Variants in ZNF776 observed in about 807,000 individuals in gnomAD.
The protein encoded by ZNF776 is zinc finger protein 776.
Under a neutral mutation model 7.0 loss-of-function variants are expected in ZNF776, and 4 were observed. The observed-to-expected ratio is 0.57, with a 90% confidence interval of 0.28 to 1.31. The LOEUF is 1.31. ZNF776 is among the 50% of genes most tolerant of loss of function. ZNF776 has a pLI of 0.10. For missense variants in ZNF776, 555 were observed against 625.9 expected (o/e 0.89, Z 1.21); for synonymous variants, 212 against 213.7 (o/e 0.99, Z 0.07).
chr19:57,753,424 C>T lies in ZNF776; in HGVS notation c.294C>T (p.Leu98=). 6.2e-7 allele frequency: 1 copy of T among 1,614,154 alleles called. No homozygotes were observed. Among genetic ancestry groups the T allele is most frequent in the South Asian group, 1.1e-5 (1 of 91,082 alleles). The change falls in exon 3 of 3, where the codon CTC becomes CTT. Residue 98 remains leucine, a synonymous_variant. Transcript: ENST00000317178. The part of the protein sequence containing the change: ...KVHLWGMCGP[L]LGDILHQGTQ... ...ACCTCTGGGGAATGTGTGGCCCTCT[C>T]CTGGGAGATATCTTACACCAGGGAA...
In ZNF776 at chr19:57,750,774, C is replaced by T; in HGVS notation, c.34-11C>T. On this transcript the variant is annotated splice_polypyrimidine_tract_variant and intron_variant, in intron 1 of 2. Coordinates refer to ENST00000317178, the MANE Select transcript of ZNF776 (RefSeq NM_173632.4). ...GAGTGTTTGTGGTTTCATCTGTCAT[C>T]ATCACGGCAGGGCACTGTGACCTTT... 1 of 1,608,408 alleles carries T rather than the reference C, an allele frequency of 6.2e-7. No individual in the cohort carries two copies. The highest frequency in any genetic ancestry group is 1.3e-5 in the African/African-American group (1 of 74,728).
chr19:57,749,531 T>C (rs1197224194), intron 1 of ZNF776, among the ~76,000 whole-genome samples: 1 of 152,234 alleles, frequency 6.6e-6, no homozygotes, highest in Non-Finnish European at 1.5e-5. Flanking sequence ...GTCAGCCATA[T>C]TGTGGTATAA....
intron 2 of ZNF776, 42 bp downstream of exon 2, chr19:57,750,953 T>G: frequency 7.7e-6 from 12 of 1,563,020 alleles, no homozygotes; most frequent in Non-Finnish European, 1.0e-5. Context: ...AGCTATTGTC[T>G]GTCTGTCCCC....
Position 57,756,830 on chromosome 19 carries a change from C to T in ZNF776, c.*2143C>T, listed in dbSNP as rs1007060181. On this transcript the variant is annotated 3_prime_UTR_variant, in exon 3 of 3. Transcript: ENST00000317178. ...TAGGATAGTGTCCTACGTTATAAGC[C>T]TGGAGAAAGAAATCATAATTCTTTA... is the stretch of plus-strand genomic sequence containing the variant. The T allele has an allele frequency of 4.4e-6, 2 of 453,618 alleles. No individual in the cohort carries two copies. Among genetic ancestry groups the T allele is most frequent in the African/African-American group, 4.0e-5 (2 of 49,970 alleles). 28.1% of individuals were successfully genotyped at this position (453,618 alleles called of 1,614,324 possible).
chr19:57,753,667 A>C lies in ZNF776; in HGVS notation c.537A>C (p.Leu179Phe). 1 of 1,614,088 alleles carries C rather than the reference A, an allele frequency of 6.2e-7. No individual in the cohort carries two copies. Among genetic ancestry groups the C allele is most frequent in the Non-Finnish European group, 8.5e-7 (1 of 1,180,006 alleles). The change falls in exon 3 of 3, where the codon TTA becomes TTC. Residue 179 changes from leucine (L) to phenylalanine (F), a missense_variant. Physicochemically the swap from Leu to Phe is conservative, Grantham distance 22. Transcript: ENST00000317178. The stretch of plus-strand genomic sequence containing the variant: ...AAGACTTTTTGTCCAGCTTGAGATT[A>C]CTCCAACAAGAGGACATTCACACTT... The part of the protein sequence containing the change: ...VGKDFLSSLR[L>F]LQQEDIHTSG...
chr19:57,750,314 C>T (rs921217345), intron 1 of ZNF776, among the ~76,000 whole-genome samples: 7 of 151,624 alleles, frequency 4.6e-5, no homozygotes, highest in African/African-American at 1.7e-4. Flanking sequence ...GCACCTGTAT[C>T]CCATCTACTC....
intron 2 of ZNF776, among the ~76,000 whole-genome samples, chr19:57,751,238 T>C (rs1373187408): frequency 6.6e-6 from 1 of 152,254 alleles, no homozygotes; most frequent in African/African-American, 2.4e-5. Context: ...ACTTCCTTGC[T>C]CTAGGTGACA....
rs1423434306 is a variant in ZNF776, at chr19:57,757,536, C to G, written c.*2849C>G. 1.3e-5 allele frequency: 2 copies of G among 152,346 alleles called. No homozygotes were observed. The highest frequency in any genetic ancestry group is 2.1e-4 in the South Asian group (1 of 4,830). 9.4% of individuals were successfully genotyped at this position (152,346 alleles called of 1,614,324 possible). On this transcript the variant is annotated 3_prime_UTR_variant, in exon 3 of 3. Transcript: ENST00000317178. ...TGGTATCACACAGGCTAATTGCCCC[C>G]CTTAGGGCGTGATGAGAGTTAGGAG...
At chr19:57,750,699 A>G in intron 1 of ZNF776, 86 bp from the exon 2 acceptor site, 1 of 1,493,116 alleles carries the variant, frequency 6.7e-7, no homozygotes, top group Non-Finnish European at 9.0e-7. Flanking sequence ...CTTGTAGTTT[A>G]GGACCTTGGG....
chr19:57,747,850 T>C (rs932155285), intron 1 of ZNF776, among the ~76,000 whole-genome samples: 3 of 151,786 alleles, frequency 2.0e-5, no homozygotes, highest in African/African-American at 7.3e-5. Context: ...GGTACCTTTT[T>C]TTTTTTTTTT....
intron 1 of ZNF776, among the ~76,000 whole-genome samples, chr19:57,748,476 T>C (rs1174056716): frequency 6.6e-6 from 1 of 152,186 alleles, no homozygotes; most frequent in Non-Finnish European, 1.5e-5. Flanking sequence ...GGAAAGGGAT[T>C]GACACTGGAG....
Position 57,756,776 on chromosome 19 carries a change from A to G in ZNF776, c.*2089A>G. The G allele has an allele frequency of 4.8e-6, 2 of 418,246 alleles. No individual in the cohort carries two copies. Among genetic ancestry groups the G allele is most frequent in the South Asian group, 3.5e-5 (2 of 56,516 alleles). The allele number at this position is 418,246 out of a possible 1,614,324, so 25.9% of individuals were successfully genotyped here. ...AATCTGTTCTCAAGTCCTACAGTGCATTCATGTGTCCTGAAGTCCAGAATT... is the reference window on the plus strand; with the variant it reads ...AATCTGTTCTCAAGTCCTACAGTGCGTTCATGTGTCCTGAAGTCCAGAATT... On this transcript the variant is annotated 3_prime_UTR_variant, in exon 3 of 3. Coordinates refer to ENST00000317178, the MANE Select transcript of ZNF776 (RefSeq NM_173632.4).
In ZNF776 at chr19:57,753,387, C is replaced by T; in HGVS notation, c.257C>T (p.Thr86Ile). The T allele has an allele frequency of 6.2e-7, 1 of 1,614,144 alleles. No individual in the cohort carries two copies. The highest frequency in any genetic ancestry group is 8.5e-7 in the Non-Finnish European group (1 of 1,180,036). ...AGGACACATTGGACAGGTGTATGTA[C>T]CAAGAAGGTCCACCTCTGGGGAATG... ...PLRTHWTGVC[T>I]KKVHLWGMCG... Residue 86 changes from threonine to isoleucine, a missense_variant, in exon 3 of 3, where the codon ACC becomes ATC. Thr to Ile is a moderately conservative substitution (Grantham distance 89, BLOSUM62 -1). Coordinates refer to ENST00000317178, the MANE Select transcript of ZNF776 (RefSeq NM_173632.4).
At chr19:57,751,868 GTTTTTTTT>G (rs768825787) in intron 2 of ZNF776, among the ~76,000 whole-genome samples, 4 of 67,506 alleles carry the variant, frequency 5.9e-5, no homozygotes, top group African/African-American at 1.1e-4. Context: ...TTTTGGTTTT[GTTTTTTTT>G]TTTTTTTTTT....
chr19:57,753,240 T>C, intron 2 of ZNF776, 51 bp from the exon 3 acceptor site: 1 of 1,557,964 alleles, frequency 6.4e-7, no homozygotes. Context: ...GGCTTAGTAA[T>C]ACTTCCCTTC....
intron 1 of ZNF776, among the ~76,000 whole-genome samples, chr19:57,750,424 C>T (rs1393788154): frequency 1.5e-5 from 2 of 132,062 alleles, no homozygotes; most frequent in Non-Finnish European, 3.1e-5. Context: ...AGGAGTGAAA[C>T]CCTATCTCAA....
intron 1 of ZNF776, among the ~76,000 whole-genome samples, chr19:57,747,317 G>A (rs900789924): frequency 6.6e-6 from 1 of 152,202 alleles, no homozygotes; most frequent in Non-Finnish European, 1.5e-5. Flanking sequence ...GAGCCGAGAG[G>A]ATCGTAACCT....
intron 2 of ZNF776, 110 bp from the exon 3 acceptor site, chr19:57,753,181 C>A: frequency 1.9e-6 from 2 of 1,049,850 alleles, no homozygotes; most frequent in South Asian, 1.5e-5. Flanking sequence ...AAGGATATGT[C>A]TAGGCCCAAG....
In ZNF776 at chr19:57,753,293, T is replaced by C. The variant is rs776341830; in HGVS notation, c.163T>C (p.Cys55Arg). 6.2e-7 allele frequency: 1 copy of C among 1,603,990 alleles called. No individual in the cohort carries two copies. Residue 55 changes from cysteine to arginine, a missense_variant and splice_region_variant, in exon 3 of 3, where the codon TGT (cysteine) becomes CGT (arginine). Transcript: ENST00000317178. Reference sequence around the variant, plus strand: ...TACCAGCATTTTATTTCTTTTAGGTTGTTGGTATGGAGCAAAAGACGAGAC... The same window carrying C: ...TACCAGCATTTTATTTCTTTTAGGTCGTTGGTATGGAGCAAAAGACGAGAC... The part of the protein sequence containing the change: ...ENLTLISSLG[C>R]WYGAKDETPS...
Sources: gnomAD v4.1 joint callset for allele counts (sites outside exome capture counted in the v4.1 genomes callset) on GRCh38, gnomAD v4.1.1 for gene constraint, MANE v1.5 for transcripts, NCBI Gene and HGNC (gene_info 2026-07-23, HGNC 2026-07-21) for gene names.